DPYD: variants seen among roughly 807,000 people sequenced by gnomAD.
The protein encoded by DPYD is dihydropyrimidine dehydrogenase [NADP(+)].
Under a neutral mutation model 116.2 loss-of-function variants are expected in DPYD, and 109 were observed. That is an observed-to-expected ratio of 0.94 (90% CI 0.80 to 1.10). The LOEUF (loss-of-function observed/expected upper bound fraction) is 1.10. Among genes scored for constraint, DPYD ranks in the 50% least tolerant of loss-of-function variants. The pLI, the probability that DPYD is intolerant of heterozygous loss-of-function variation, is 0.00. For missense variants in DPYD, 1,302 were observed against 1,254.5 expected (o/e 1.04, Z -0.57); for synonymous variants, 440 against 432.0 (o/e 1.02, Z -0.23).
chr1:97,164,843 A>G (rs1384289363), intron 20 of DPYD, among the ~76,000 whole-genome samples: 1 of 151,874 alleles, frequency 6.6e-6, no homozygotes, highest in Non-Finnish European at 1.5e-5. Flanking sequence ...TAAAATGACC[A>G]AGTGCCCAAA....
intron 16 of DPYD, among the ~76,000 whole-genome samples, chr1:97,349,023 G>C (rs74104374): frequency 0.035 from 5,347 of 152,240 alleles, 307 homozygotes; most frequent in African/African-American, 0.12. Flanking sequence ...TTACAGAAAA[G>C]CTACGGAGTA....
intron 16 of DPYD, among the ~76,000 whole-genome samples, chr1:97,323,133 G>A (rs1053729474): frequency 9.4e-5 from 14 of 148,760 alleles, no homozygotes; most frequent in East Asian, 2.0e-4. Flanking sequence ...ATGTGTGTGT[G>A]TTTATGTATA....
chr1:97,556,154 C>G (rs954900860), intron 11 of DPYD, among the ~76,000 whole-genome samples: 1 of 152,060 alleles, frequency 6.6e-6, no homozygotes, highest in Non-Finnish European at 1.5e-5. Flanking sequence ...TGGACAGGCA[C>G]CTAAGGTGCC....
At chr1:97,587,472 T>TGAA (rs1316776516) in intron 10 of DPYD, among the ~76,000 whole-genome samples, 1 of 152,128 alleles carries the variant, frequency 6.6e-6, no homozygotes, top group Non-Finnish European at 1.5e-5. Context: ...CTAAAAATAG[T>TGAA]CCCAGGTTCA....
chr1:97,577,812 T>C (rs1653366381), intron 10 of DPYD, among the ~76,000 whole-genome samples: 2 of 151,694 alleles, frequency 1.3e-5, no homozygotes, highest in African/African-American at 4.8e-5. Context: ...GTCTTATTAT[T>C]TTTGTTATTT....
intron 14 of DPYD, among the ~76,000 whole-genome samples, chr1:97,399,744 CTGTT>C (rs918391397): frequency 2.0e-4 from 31 of 151,940 alleles, no homozygotes; most frequent in African/African-American, 7.2e-4. Context: ...ATTTGGCTCT[CTGTT>C]TGTCTGTTAT....
At chr1:97,845,767 C>T (rs1670268897) in intron 2 of DPYD, among the ~76,000 whole-genome samples, 1 of 152,216 alleles carries the variant, frequency 6.6e-6, no homozygotes, top group South Asian at 2.1e-4. Context: ...GTTACCTGAT[C>T]CAGGGCTGTC....
intron 14 of DPYD, among the ~76,000 whole-genome samples, chr1:97,446,487 C>G (rs921178372): frequency 6.6e-6 from 1 of 152,146 alleles, no homozygotes; most frequent in African/African-American, 2.4e-5. Context: ...ATGCTGATCT[C>G]TCAGTAATTA....
chr1:97,648,165 A>C (rs1658379902), intron 8 of DPYD, among the ~76,000 whole-genome samples: 1 of 152,046 alleles, frequency 6.6e-6, no homozygotes, highest in Non-Finnish European at 1.5e-5. Context: ...TCAGAAAACC[A>C]TACTGATAGC....
At chr1:97,196,834 A>G (rs760626361) in intron 19 of DPYD, among the ~76,000 whole-genome samples, 3 of 152,178 alleles carry the variant, frequency 2.0e-5, no homozygotes, top group Non-Finnish European at 4.4e-5. Context: ...ATATAACTAC[A>G]AATACTTTCC....
At chr1:97,192,931 G>T in intron 20 of DPYD, 138 bp downstream of exon 20, 1 of 943,538 alleles carries the variant, frequency 1.1e-6, no homozygotes, top group Non-Finnish European at 1.7e-6. Flanking sequence ...GTCTCCTTCA[G>T]AAAGAGTCCA....
At chr1:97,756,882 G>A (rs181817925) in intron 3 of DPYD, among the ~76,000 whole-genome samples, 7 of 151,988 alleles carry the variant, frequency 4.6e-5, no homozygotes, top group Admixed American at 2.0e-4. Context: ...ATAGAAATGC[G>A]TGCTGCTCAT....
intron 5 of DPYD, among the ~76,000 whole-genome samples, chr1:97,719,301 G>A (rs1662793162): frequency 6.6e-6 from 1 of 151,094 alleles, no homozygotes; most frequent in African/African-American, 2.4e-5. Flanking sequence ...AATAAGGTAT[G>A]TACCTAACCA....
chr1:97,105,104 G>T (rs927894826), intron 20 of DPYD, among the ~76,000 whole-genome samples: 1 of 152,004 alleles, frequency 6.6e-6, no homozygotes, highest in Admixed American at 6.6e-5. Context: ...CTCATATCAG[G>T]TCTCTCTTTA....
At chr1:97,423,116 G>A (rs905995044) in intron 14 of DPYD, among the ~76,000 whole-genome samples, 2 of 151,976 alleles carry the variant, frequency 1.3e-5, no homozygotes, top group Admixed American at 6.6e-5. Flanking sequence ...TGCTGTCATG[G>A]AAGCAGACAG....
intron 18 of DPYD, among the ~76,000 whole-genome samples, chr1:97,302,251 T>C (rs905862127): frequency 1.1e-4 from 16 of 152,008 alleles, no homozygotes. Flanking sequence ...AGAGTACTTA[T>C]ATGGTGGAGA....
At chr1:97,565,957 CAT>C (rs1237596233) in intron 11 of DPYD, among the ~76,000 whole-genome samples, 1 of 152,106 alleles carries the variant, frequency 6.6e-6, no homozygotes, top group Non-Finnish European at 1.5e-5. Context: ...TTTCTAAAGA[CAT>C]ATATTTTTTA....
At chr1:97,408,723 C>CAG (rs1673809651) in intron 14 of DPYD, among the ~76,000 whole-genome samples, 1 of 152,096 alleles carries the variant, frequency 6.6e-6, no homozygotes, top group African/African-American at 2.4e-5. Context: ...CTGGTAGAGG[C>CAG]AGAGCCACCC....
intron 13 of DPYD, among the ~76,000 whole-genome samples, chr1:97,454,620 C>T (rs1289819700): frequency 6.6e-6 from 1 of 151,754 alleles, no homozygotes; most frequent in Non-Finnish European, 1.5e-5. Context: ...TTATAACTAC[C>T]ATTATAACAT....
Sources: gnomAD v4.1 joint callset for allele counts (sites outside exome capture counted in the v4.1 genomes callset) on GRCh38, gnomAD v4.1.1 for gene constraint, MANE v1.5 for transcripts, NCBI Gene and HGNC (gene_info 2026-07-23, HGNC 2026-07-21) for gene names.